CSGALNACT1: variants seen among roughly 807,000 people sequenced by gnomAD.
The protein encoded by CSGALNACT1 is beta4GalNAcT-1.
A neutral mutation model predicts 51.0 loss-of-function variants in CSGALNACT1; 52 were observed. That is an observed-to-expected ratio of 1.02 (90% confidence interval 0.82 to 1.29). The LOEUF is 1.29. Among genes scored for constraint, CSGALNACT1 ranks in the 50% most tolerant of loss-of-function variants. The probability of loss-of-function intolerance (pLI) is 0.00; values close to 1 mark genes in which losing one functional copy is unlikely to be tolerated. For missense variants in CSGALNACT1, 935 were observed against 679.2 expected (o/e 1.38, Z -4.19); for synonymous variants, 341 against 254.4 (o/e 1.34, Z -3.24).
chr8:19,408,597 T>C lies in CSGALNACT1; in HGVS notation c.1309+16A>G. The C allele has an allele frequency of 1.2e-6, 2 of 1,608,140 alleles. No individual in the cohort carries two copies. The highest frequency in any genetic ancestry group is 1.4e-5 in the African/African-American group (1 of 73,918). On this transcript the variant is annotated intron_variant, in intron 9 of 9. Coordinates refer to ENST00000454498, the Ensembl canonical transcript of CSGALNACT1. ...CGTGGCCTCTGGGTGGCAGTAGAGA[T>C]GCAGATTTGTCCTACCTATATTGAT...
upstream of CSGALNACT1, chr8:19,682,601 A>G (rs1425598858): frequency 1.0e-4 from 47 of 453,976 alleles, 1 homozygote; most frequent in South Asian, 7.1e-4. Flanking sequence ...ACTGATGTAC[A>G]CTGGGACTTC....
At chr8:19,748,776 C>T (rs922940533) in intron 1 of CSGALNACT1, among the ~76,000 whole-genome samples, 1 of 152,058 alleles carries the variant, frequency 6.6e-6, no homozygotes. Context: ...ACCAACCTGG[C>T]CAACATGGTG....
intron 1 of CSGALNACT1, among the ~76,000 whole-genome samples, chr8:19,649,714 G>A (rs889058688): frequency 2.7e-5 from 4 of 149,150 alleles, no homozygotes; most frequent in Non-Finnish European, 1.5e-5. Flanking sequence ...GGTGAGGGTT[G>A]AGGTTGTTCG....
chr8:19,603,469 G>A (rs1407609413), upstream of CSGALNACT1, among the ~76,000 whole-genome samples: 2 of 152,284 alleles, frequency 1.3e-5, no homozygotes, highest in Non-Finnish European at 1.5e-5. Flanking sequence ...ACCCACTTCC[G>A]CCTCTGCCTG....
At chr8:19,643,257 C>A (rs947312202) in intron 1 of CSGALNACT1, among the ~76,000 whole-genome samples, 1 of 152,010 alleles carries the variant, frequency 6.6e-6, no homozygotes, top group African/African-American at 2.4e-5. Context: ...ATGCTTTCAG[C>A]TAATATAATA....
At chr8:19,587,188 A>C (rs556074211) in intron 3 of CSGALNACT1, among the ~76,000 whole-genome samples, 47 of 152,326 alleles carry the variant, frequency 3.1e-4, no homozygotes, top group Non-Finnish European at 5.6e-4. Flanking sequence ...GATGCTTTTC[A>C]AAATTGCAGG....
rs561045351 is a variant in CSGALNACT1 at position 19,634,487 on chromosome 8, C to A, written c.-543-32622G>T. Among the ~76,000 whole-genome samples the A allele has an allele frequency of 4.2e-4, 64 of 152,238 alleles. 1 individual carries two copies. Among genetic ancestry groups the A allele is most frequent in the African/African-American group, 1.4e-3 (57 of 41,546 alleles). ...GACCAGCCTGGGAAACACAATGAGA[C>A]CCTGTCTCTCCAAAACATTAAAAAA... is the stretch of plus-strand genomic sequence containing the variant. On this transcript the variant is annotated intron_variant, in intron 1 of 9. Transcript: ENST00000332246.
intron 5 of CSGALNACT1, among the ~76,000 whole-genome samples, chr8:19,455,522 G>T (rs746091182): frequency 2.6e-5 from 4 of 152,106 alleles, no homozygotes; most frequent in Non-Finnish European, 5.9e-5. Flanking sequence ...TGTGAAATAA[G>T]AATCACATTT....
chr8:19,577,781 T>G (rs2044612754), intron 3 of CSGALNACT1, among the ~76,000 whole-genome samples: 1 of 152,114 alleles, frequency 6.6e-6, no homozygotes, highest in African/African-American at 2.4e-5. Context: ...GCAGCAACTT[T>G]GGAGTTAATA....
chr8:19,541,969 C>T lies in CSGALNACT1; in HGVS notation c.-296-35839G>A, dbSNP rs114803304. On this transcript the variant is annotated intron_variant, in intron 3 of 9. Transcript: ENST00000454498. The stretch of plus-strand genomic sequence containing the variant: ...CACAGAAAAGGTCTTCAGTTATCAC[C>T]AAATACTGGAATGGAGGCAAGATGT... 6.6e-3 allele frequency among the ~76,000 whole-genome samples: 999 copies of T among 152,038 alleles called. 13 individuals are homozygous for T. Among genetic ancestry groups the T allele is most frequent in the African/African-American group, 0.023 (949 of 41,474 alleles).
At chr8:19,407,925 G>C (rs933775444) in intron 9 of CSGALNACT1, among the ~76,000 whole-genome samples, 10 of 138,900 alleles carry the variant, frequency 7.2e-5, no homozygotes, top group African/African-American at 1.5e-4. Context: ...GTGTGTGTGT[G>C]TGTGTGTGTG....
chr8:19,470,195 G>A (rs2067799074), intron 4 of CSGALNACT1, among the ~76,000 whole-genome samples: 2 of 152,284 alleles, frequency 1.3e-5, no homozygotes, highest in South Asian at 4.1e-4. Flanking sequence ...TTCCCACAAT[G>A]GGGATGGAGC....
rs563220593 is a variant in CSGALNACT1 at position 19,412,574 on chromosome 8, C to T, written c.1228-3880G>A. On this transcript the variant is annotated intron_variant, in intron 8 of 9. Transcript: ENST00000454498. ...GAGTCTCTCCTCAGCACTGAGGCTGCGTCTGGTCTACCTTGCATTCACAGC... is the reference window on the plus strand; with the variant it reads ...GAGTCTCTCCTCAGCACTGAGGCTGTGTCTGGTCTACCTTGCATTCACAGC... 1.1e-4 allele frequency among the ~76,000 whole-genome samples: 17 copies of T among 152,346 alleles called. No homozygotes were observed. In the South Asian group the frequency reaches 2.3e-3, roughly 20 times the overall value.
chr8:19,623,195 A>G (rs1274912706), intron 1 of CSGALNACT1, among the ~76,000 whole-genome samples: 2 of 152,246 alleles, frequency 1.3e-5, no homozygotes, highest in African/African-American at 4.8e-5. Flanking sequence ...GGGAAGAACC[A>G]CTGTCATCAG....
At chr8:19,721,059 G>T (rs2063099709) in intron 1 of CSGALNACT1, among the ~76,000 whole-genome samples, 2 of 152,204 alleles carry the variant, frequency 1.3e-5, no homozygotes, top group African/African-American at 4.8e-5. Context: ...CCAAGAATCA[G>T]TGACCAAACA....
chr8:19,478,120 A>G (rs576343498), intron 4 of CSGALNACT1, among the ~76,000 whole-genome samples: 1 of 133,568 alleles, frequency 7.5e-6, no homozygotes, highest in East Asian at 3.5e-4. Context: ...AGCTTTAAAA[A>G]TACTCATGTC....
chr8:19,668,849 G>C (rs1348872417), intron 1 of CSGALNACT1, among the ~76,000 whole-genome samples: 1 of 152,076 alleles, frequency 6.6e-6, no homozygotes, highest in Non-Finnish European at 1.5e-5. Context: ...CACTGTGCCC[G>C]GCCTGCCAAT....
chr8:19,495,789 A>G (rs1478664844), intron 4 of CSGALNACT1, among the ~76,000 whole-genome samples: 1 of 152,214 alleles, frequency 6.6e-6, no homozygotes, highest in Non-Finnish European at 1.5e-5. Context: ...TGAGGTGATG[A>G]TAAAGAGAGA....
intron 1 of CSGALNACT1, among the ~76,000 whole-genome samples, chr8:19,756,537 C>A (rs533765164): frequency 2.0e-5 from 3 of 152,276 alleles, no homozygotes; most frequent in South Asian, 2.1e-4. Flanking sequence ...ACTTTGCCTC[C>A]GCTTCCTACA....
Sources: gnomAD v4.1 joint callset for allele counts (sites outside exome capture counted in the v4.1 genomes callset) on GRCh38, gnomAD v4.1.1 for gene constraint, MANE v1.5 for transcripts, NCBI Gene and HGNC (gene_info 2026-07-23, HGNC 2026-07-21) for gene names.